Variants in BABAM2 observed in about 807,000 individuals in gnomAD.
BABAM2 encodes BRISC and BRCA1 A complex member 2, also known as BRISC and BRCA1-A complex member 2.
A neutral mutation model predicts 54.7 loss-of-function variants in BABAM2; 31 were observed. That is an observed-to-expected ratio of 0.57 (90% CI 0.43 to 0.77). The LOEUF is 0.77. BABAM2 is among the 30% of genes least tolerant of loss of function. BABAM2 has a pLI of 0.00. For missense variants in BABAM2, 364 were observed against 455.8 expected (o/e 0.80, Z 1.83); for synonymous variants, 167 against 162.9 (o/e 1.03, Z -0.19).
chr2:28,108,908 T>C (rs1166991392), intron 6 of BABAM2, among the ~76,000 whole-genome samples: 1 of 152,182 alleles, frequency 6.6e-6, no homozygotes, highest in Non-Finnish European at 1.5e-5. Context: ...TAGCTCTACA[T>C]ATTGGACAGA....
At chr2:28,285,363 A>AT (rs141948705) in intron 10 of BABAM2, among the ~76,000 whole-genome samples, 2,716 of 152,234 alleles carry the variant, frequency 0.018, 86 homozygotes, top group African/African-American at 0.061. Flanking sequence ...TGAGTGGCTG[A>AT]TTTTTTAACA....
At chr2:28,016,178 A>C (rs553873543) in intron 4 of BABAM2, 1 of 1,239,696 alleles carries the variant, frequency 8.1e-7, no homozygotes, top group Admixed American at 2.0e-5. Flanking sequence ...GAAGATGAAT[A>C]CTTACCAGAT....
chr2:28,323,639 C>T (rs1690209673), intron 11 of BABAM2, among the ~76,000 whole-genome samples: 1 of 152,162 alleles, frequency 6.6e-6, no homozygotes, highest in Non-Finnish European at 1.5e-5. Flanking sequence ...CTAAAGCTCC[C>T]GTGCCAAGTC....
At chr2:28,302,432 AT>A (rs1215129829) in intron 11 of BABAM2, among the ~76,000 whole-genome samples, 2 of 145,360 alleles carry the variant, frequency 1.4e-5, no homozygotes, top group Admixed American at 1.4e-4. Flanking sequence ...AAAAAAAAAA[AT>A]GTATCTGTTA....
intron 3 of BABAM2, among the ~76,000 whole-genome samples, chr2:27,954,555 T>C (rs944027012): frequency 1.3e-5 from 2 of 152,196 alleles, no homozygotes; most frequent in African/African-American, 4.8e-5. Flanking sequence ...AAAATTAGTA[T>C]GGAAAGTGTT....
chr2:27,943,848 A>G (rs999041509), intron 3 of BABAM2, among the ~76,000 whole-genome samples: 4 of 152,236 alleles, frequency 2.6e-5, no homozygotes, highest in Non-Finnish European at 5.9e-5. Flanking sequence ...AATGTTCTAC[A>G]AAATGCTCAT....
At chr2:28,217,638 A>G (rs1191934649) in intron 7 of BABAM2, among the ~76,000 whole-genome samples, 2 of 152,172 alleles carry the variant, frequency 1.3e-5, no homozygotes, top group African/African-American at 4.8e-5. Flanking sequence ...TAACCACCTC[A>G]TTTTTCTGGT....
intron 5 of BABAM2, among the ~76,000 whole-genome samples, chr2:28,037,220 A>G (rs911769617): frequency 2.0e-5 from 3 of 152,290 alleles, no homozygotes; most frequent in South Asian, 4.1e-4. Context: ...AAGCACTAAT[A>G]TAAATTTTTT....
At chr2:28,092,477 G>C (rs1666234183) in intron 6 of BABAM2, among the ~76,000 whole-genome samples, 3 of 152,058 alleles carry the variant, frequency 2.0e-5, no homozygotes, top group Admixed American at 2.0e-4. Context: ...ATTTAAAATA[G>C]CATCAAAAAG....
intron 5 of BABAM2, among the ~76,000 whole-genome samples, chr2:28,034,247 C>G (rs1327118699): frequency 6.6e-6 from 1 of 152,112 alleles, no homozygotes; most frequent in African/African-American, 2.4e-5. Context: ...GGGGCAGGAG[C>G]TTTGGGTTTT....
chr2:27,961,883 G>A lies in BABAM2; in HGVS notation c.206-26110G>A, dbSNP rs190515017. On this transcript the variant is annotated intron_variant, in intron 3 of 11. Transcript: ENST00000379624. Reference sequence around the variant, plus strand: ...GCTGGGACTACAGGCATGCACCCCCGCATCTGGCTAATTTTTAAATTTTTT... The same window carrying A: ...GCTGGGACTACAGGCATGCACCCCCACATCTGGCTAATTTTTAAATTTTTT... 4.8e-4 allele frequency among the ~76,000 whole-genome samples: 72 copies of A among 151,120 alleles called. 1 individual carries two copies. The East Asian group carries it at 6.6e-3, about 14-fold the overall frequency.
intron 6 of BABAM2, among the ~76,000 whole-genome samples, chr2:28,076,323 T>A (rs1314254637): frequency 2.0e-5 from 3 of 151,954 alleles, no homozygotes; most frequent in South Asian, 2.1e-4. Context: ...TTAAATGAAA[T>A]TTTAGATAAA....
intron 11 of BABAM2, among the ~76,000 whole-genome samples, chr2:28,315,573 T>C (rs1689481966): frequency 6.6e-6 from 1 of 151,758 alleles, no homozygotes; most frequent in Non-Finnish European, 1.5e-5. Context: ...GCTCAAGCAA[T>C]CCTCCCACCT....
At chr2:28,143,983 A>G (rs900227953) in intron 7 of BABAM2, among the ~76,000 whole-genome samples, 14 of 152,152 alleles carry the variant, frequency 9.2e-5, no homozygotes, top group African/African-American at 3.4e-4. Flanking sequence ...GTGAAATGCA[A>G]AGGCACACAC....
At chr2:27,898,023 G>A (rs1665481605) in intron 2 of BABAM2, among the ~76,000 whole-genome samples, 1 of 151,904 alleles carries the variant, frequency 6.6e-6, no homozygotes, top group Admixed American at 6.6e-5. Context: ...CCTCTTTCTG[G>A]GATCTTTAAA....
intron 7 of BABAM2, among the ~76,000 whole-genome samples, chr2:28,131,380 C>CCCAAAGAGTGCTT (rs144248752): frequency 2.0e-5 from 2 of 101,634 alleles, no homozygotes; most frequent in African/African-American, 7.8e-5. Flanking sequence ...CGCGCCCGGC[C>CCCAAAGAGTGCTT]TATTATTTTT....
intron 6 of BABAM2, among the ~76,000 whole-genome samples, chr2:28,068,398 A>G (rs1027528436): frequency 6.6e-6 from 1 of 152,204 alleles, no homozygotes; most frequent in African/African-American, 2.4e-5. Flanking sequence ...AGCCTTTGTT[A>G]AGAATACATA....
At chr2:28,170,590 G>C (rs540785550) in intron 7 of BABAM2, among the ~76,000 whole-genome samples, 1 of 152,032 alleles carries the variant, frequency 6.6e-6, no homozygotes, top group South Asian at 2.1e-4. Context: ...TCCTAAAATA[G>C]CTAAAAGCTA....
intron 7 of BABAM2, among the ~76,000 whole-genome samples, chr2:28,140,399 T>C (rs1432679707): frequency 6.6e-6 from 1 of 152,168 alleles, no homozygotes; most frequent in African/African-American, 2.4e-5. Flanking sequence ...GAGAAGCGCT[T>C]GACTACAAAG....
Sources: gnomAD v4.1 joint callset for allele counts (sites outside exome capture counted in the v4.1 genomes callset) on GRCh38, gnomAD v4.1.1 for gene constraint, MANE v1.5 for transcripts, NCBI Gene and HGNC (gene_info 2026-07-23, HGNC 2026-07-21) for gene names.